Variants in PVT1 observed in about 807,000 individuals in gnomAD.
PVT1 encodes the protein CXCR4/PVT1 fusion.
chr8:127,972,325 G>A (rs1816773709), intron 3 of PVT1, among the ~76,000 whole-genome samples: 1 of 152,246 alleles, frequency 6.6e-6, no homozygotes, highest in African/African-American at 2.4e-5. Context: ...CAGGCAGGGA[G>A]TTGGGGAGCC....
At position 128,061,979 on chromosome 8, in the gene PVT1, G is replaced by A. The variant is rs1394148093; in HGVS notation, n.913-8181G>A. Among the ~76,000 whole-genome samples, 13 of 152,264 alleles carry A rather than the reference G, an allele frequency of 8.5e-5. 1 individual carries two copies. The highest frequency in any genetic ancestry group is 8.5e-4 in the Admixed American group (13 of 15,290). On this transcript the variant is annotated intron_variant and non_coding_transcript_variant, in intron 4 of 10. Transcript: ENST00000651587. ...TAATTATCACATGACCTGACTGGCT[G>A]CTTATCTTACCCACCTTCCCATGGA...
At chr8:128,046,594 A>C (rs907330150) in intron 4 of PVT1, among the ~76,000 whole-genome samples, 6 of 152,210 alleles carry the variant, frequency 3.9e-5, no homozygotes, top group Non-Finnish European at 8.8e-5. Context: ...TGGAGCCTAC[A>C]CAGCCCCCCA....
intron 3 of PVT1, among the ~76,000 whole-genome samples, chr8:127,927,481 A>G (rs1816144281): frequency 6.6e-6 from 1 of 152,200 alleles, no homozygotes; most frequent in Non-Finnish European, 1.5e-5. Flanking sequence ...TACCTCTTCC[A>G]TGAAGCCCTT....
chr8:128,066,346 C>A (rs933445235), intron 4 of PVT1, among the ~76,000 whole-genome samples: 1 of 152,190 alleles, frequency 6.6e-6, no homozygotes, highest in Non-Finnish European at 1.5e-5. Flanking sequence ...TGCTGCTGAT[C>A]AGTGCTATGT....
intron 4 of PVT1, among the ~76,000 whole-genome samples, chr8:128,005,493 G>A (rs559988096): frequency 2.6e-5 from 4 of 152,172 alleles, no homozygotes; most frequent in Non-Finnish European, 4.4e-5. Context: ...CAACAGATAT[G>A]CCCTAGTCTT....
At chr8:127,907,555 G>T (rs899405467) in intron 3 of PVT1, among the ~76,000 whole-genome samples, 5 of 152,326 alleles carry the variant, frequency 3.3e-5, no homozygotes, top group Non-Finnish European at 5.9e-5. Flanking sequence ...GGGCTGGCTG[G>T]GGTGCATGCT....
chr8:127,883,461 A>C (rs1273854886), intron 2 of PVT1, among the ~76,000 whole-genome samples: 1 of 152,098 alleles, frequency 6.6e-6, no homozygotes, highest in Non-Finnish European at 1.5e-5. Flanking sequence ...GGGAGGGTCA[A>C]GAAGGAAATG....
chr8:128,087,723 T>C (rs1219948717), intron 5 of PVT1, among the ~76,000 whole-genome samples: 1 of 150,444 alleles, frequency 6.6e-6, no homozygotes, highest in Non-Finnish European at 1.5e-5. Flanking sequence ...ACCCTCTAAC[T>C]CTGCTGACAT....
chr8:127,958,802 C>A (rs1329259349), intron 3 of PVT1, among the ~76,000 whole-genome samples: 4 of 152,082 alleles, frequency 2.6e-5, no homozygotes, highest in African/African-American at 4.8e-5. Context: ...TACGGAATAA[C>A]AATAGTAGCA....
intron 3 of PVT1, among the ~76,000 whole-genome samples, chr8:127,894,384 G>A (rs1194924226): frequency 6.6e-6 from 1 of 152,136 alleles, no homozygotes; most frequent in Non-Finnish European, 1.5e-5. Flanking sequence ...TTCTAATCTG[G>A]CAAGGAGAAT....
chr8:127,949,621 C>T lies in PVT1; in HGVS notation n.783-39541C>T, dbSNP rs139704071. ...AGCTCAGCCTGGCACCCAGACCTGCCGTGCTATACTAACACCTCTCACATG... is the reference window on the plus strand; with the variant it reads ...AGCTCAGCCTGGCACCCAGACCTGCTGTGCTATACTAACACCTCTCACATG... On this transcript the variant is annotated intron_variant and non_coding_transcript_variant, in intron 3 of 10. Transcript: ENST00000651587. Among the ~76,000 whole-genome samples, 24 of 152,072 alleles carry T rather than the reference C, an allele frequency of 1.6e-4. 1 individual carries two copies. The East Asian group carries it at 1.9e-3, about 12-fold the overall frequency.
chr8:128,032,050 G>C (rs1230665657), intron 4 of PVT1, among the ~76,000 whole-genome samples: 1 of 152,206 alleles, frequency 6.6e-6, no homozygotes, highest in African/African-American at 2.4e-5. Flanking sequence ...GTAGCAATCT[G>C]CTTCTTGCTG....
chr8:128,012,419 G>C (rs184686456), intron 4 of PVT1, among the ~76,000 whole-genome samples: 1 of 152,258 alleles, frequency 6.6e-6, no homozygotes, highest in Admixed American at 6.5e-5. Flanking sequence ...AATGCCCTTA[G>C]AACCAGCTTT....
chr8:127,804,018 C>A (rs1309265999), intron 2 of PVT1, among the ~76,000 whole-genome samples: 1 of 152,066 alleles, frequency 6.6e-6, no homozygotes, highest in African/African-American at 2.4e-5. Context: ...TGCACCTGGC[C>A]TCAAAAATTC....
chr8:127,853,961 CTTTCTGTACGGCGT>C (rs950836084), intron 2 of PVT1, among the ~76,000 whole-genome samples: 3 of 152,158 alleles, frequency 2.0e-5, no homozygotes, highest in Admixed American at 1.3e-4. Context: ...CTGTCCTGCC[CTTTCTGTACGGCGT>C]TTTCTCTTCC....
intron 3 of PVT1, among the ~76,000 whole-genome samples, chr8:127,960,952 C>T (rs866672349): frequency 3.5e-4 from 12 of 33,844 alleles, no homozygotes; most frequent in Admixed American, 8.7e-4. Context: ...GTGGGGGGGG[C>T]GGGCGGGCAC....
chr8:127,975,676 TC>T (rs1816816031), intron 3 of PVT1, among the ~76,000 whole-genome samples: 1 of 152,166 alleles, frequency 6.6e-6, no homozygotes, highest in Non-Finnish European at 1.5e-5. Flanking sequence ...GGCCTTATGG[TC>T]TTTATGACTT....
At chr8:127,920,850 A>G (rs746178533) in intron 3 of PVT1, among the ~76,000 whole-genome samples, 2 of 152,256 alleles carry the variant, frequency 1.3e-5, no homozygotes, top group Non-Finnish European at 2.9e-5. Flanking sequence ...ACAGGTGATT[A>G]ACTTTGGCAC....
intron 2 of PVT1, among the ~76,000 whole-genome samples, chr8:127,877,802 C>T (rs746339792): frequency 6.6e-6 from 1 of 151,940 alleles, no homozygotes; most frequent in Non-Finnish European, 1.5e-5. Flanking sequence ...GGCTCGCACC[C>T]GTAGTCCCAG....
Sources: allele counts gnomAD v4.1 joint callset (sites outside exome capture counted in the v4.1 genomes callset), GRCh38; gene constraint gnomAD v4.1.1; transcripts MANE v1.5; gene names NCBI Gene and HGNC (gene_info 2026-07-23, HGNC 2026-07-21).